Variants in LRP1B observed in about 807,000 individuals in gnomAD.
LRP1B encodes low-density lipoprotein receptor-related protein 1B.
In LRP1B, 217 loss-of-function variants were observed where a neutral mutation model predicts 556.6. That is an observed-to-expected ratio of 0.39 (90% CI 0.35 to 0.44). The LOEUF (loss-of-function observed/expected upper bound fraction) is 0.44, where lower values mean the gene tolerates loss of function less well. Ranked by LOEUF, LRP1B falls within the 20% of genes least tolerant of loss-of-function variation. LRP1B has a pLI of 1.00. For missense variants in LRP1B, 5,053 were observed against 5,620.8 expected (o/e 0.90, Z 3.23); for synonymous variants, 2,047 against 1,865.8 (o/e 1.10, Z -2.50).
rs1355982293 is a variant in LRP1B at position 140,776,003 on chromosome 2, G to T, written c.5500+95C>A. ...TTTTCTCTGTTTTTATTAGAAGCAA[G>T]AATAGAAACCTTTTATTGTTGAATT... On this transcript the variant is annotated intron_variant, in intron 33 of 90. Transcript: ENST00000389484. 4.7e-6 allele frequency: 5 copies of T among 1,074,890 alleles called. No homozygotes were observed. The Admixed American group carries it at 1.1e-4, about 23-fold the overall frequency. 66.6% of individuals were successfully genotyped at this position (1,074,890 alleles called of 1,614,324 possible).
chr2:141,613,983 G>T (rs1195952131), intron 2 of LRP1B, among the ~76,000 whole-genome samples: 1 of 133,468 alleles, frequency 7.5e-6, no homozygotes, highest in African/African-American at 2.8e-5. Context: ...TGAGGCAGGA[G>T]AATTGATTAA....
chr2:141,674,030 T>C (rs1289932852), intron 2 of LRP1B, among the ~76,000 whole-genome samples: 2 of 152,058 alleles, frequency 1.3e-5, no homozygotes, highest in Non-Finnish European at 2.9e-5. Context: ...TTCATTCAGG[T>C]TGGCATTCAA....
intron 3 of LRP1B, among the ~76,000 whole-genome samples, chr2:141,346,119 T>C (rs1688248581): frequency 6.6e-6 from 1 of 152,044 alleles, no homozygotes; most frequent in Admixed American, 6.6e-5. Flanking sequence ...TTTCCACCAA[T>C]TGTCTTTTTC....
intron 16 of LRP1B, 69 bp downstream of exon 16, chr2:140,993,926 G>T: frequency 2.7e-6 from 4 of 1,475,492 alleles, no homozygotes; most frequent in Non-Finnish European, 3.7e-6. Flanking sequence ...GTCACAAACT[G>T]CCTTGATAAT....
At chr2:141,478,199 C>T (rs906527662) in intron 3 of LRP1B, among the ~76,000 whole-genome samples, 8 of 152,084 alleles carry the variant, frequency 5.3e-5, no homozygotes, top group African/African-American at 1.7e-4. Flanking sequence ...CATATGCCCT[C>T]ATATATTAGA....
intron 1 of LRP1B, among the ~76,000 whole-genome samples, chr2:142,014,742 C>T (rs1034129477): frequency 1.3e-5 from 2 of 152,096 alleles, no homozygotes; most frequent in Non-Finnish European, 2.9e-5. Context: ...GTCATAGTTA[C>T]ATTGCAAGTG....
intron 32 of LRP1B, among the ~76,000 whole-genome samples, chr2:140,783,735 C>T (rs1183670502): frequency 6.6e-6 from 1 of 152,046 alleles, no homozygotes; most frequent in African/African-American, 2.4e-5. Flanking sequence ...AGGAGGATTG[C>T]TTTAGTCTAT....
At chr2:140,440,739 A>ATGTGTGTGTGTGTGTGTGTGTG (rs1279713239) in intron 66 of LRP1B, among the ~76,000 whole-genome samples, 84 of 86,430 alleles carry the variant, frequency 9.7e-4, no homozygotes, top group African/African-American at 3.6e-3. Flanking sequence ...GTCCCTCTGT[A>ATGTGTGTGTGTGTGTGTGTGTG]TGTATGTGTG....
intron 60 of LRP1B, among the ~76,000 whole-genome samples, chr2:140,472,053 T>C (rs1687792738): frequency 6.6e-6 from 1 of 152,180 alleles, no homozygotes; most frequent in Admixed American, 6.5e-5. Context: ...GCATGCATTT[T>C]TGGAATATTT....
At chr2:141,506,944 C>T (rs1683954600) in intron 2 of LRP1B, among the ~76,000 whole-genome samples, 1 of 152,012 alleles carries the variant, frequency 6.6e-6, no homozygotes, top group African/African-American at 2.4e-5. Context: ...TTCCTCCTTC[C>T]TTTTCCTCTT....
chr2:141,547,462 C>G (rs1455609860), intron 2 of LRP1B, among the ~76,000 whole-genome samples: 1 of 152,094 alleles, frequency 6.6e-6, no homozygotes, highest in Non-Finnish European at 1.5e-5. Context: ...AACTCTTTGA[C>G]AGTCCTGTTG....
At position 140,683,221 on chromosome 2, in the gene LRP1B, G is replaced by A. The variant is rs60454540; in HGVS notation, c.6799+17029C>T. ...AGCAGACTGGGGAGAACAATAGGAG[G>A]GTTATTGAACACTGGTCTGTGTATC... On this transcript the variant is annotated intron_variant, in intron 41 of 90. Coordinates refer to ENST00000389484, the MANE Select transcript of LRP1B (RefSeq NM_018557.3). 1,069 of 234,048 alleles carry A rather than the reference G, an allele frequency of 4.6e-3. 17 individuals carry two copies. The highest frequency in any genetic ancestry group is 0.023 in the African/African-American group (995 of 42,506). 14.5% of individuals were successfully genotyped at this position (234,048 alleles called of 1,614,324 possible).
chr2:140,610,099 G>A (rs747979417), intron 41 of LRP1B, among the ~76,000 whole-genome samples: 1 of 151,426 alleles, frequency 6.6e-6, no homozygotes, highest in Non-Finnish European at 1.5e-5. Flanking sequence ...TCTTCCCCGG[G>A]TCTGACGTTC....
chr2:140,609,933 G>GT (rs1203229274), intron 41 of LRP1B, among the ~76,000 whole-genome samples: 1 of 151,944 alleles, frequency 6.6e-6, no homozygotes, highest in African/African-American at 2.4e-5. Context: ...ATAAAATGTG[G>GT]TTTACTCCCT....
At chr2:141,566,664 A>G (rs1686342403) in intron 2 of LRP1B, among the ~76,000 whole-genome samples, 2 of 152,206 alleles carry the variant, frequency 1.3e-5, no homozygotes, top group Non-Finnish European at 2.9e-5. Context: ...TGGAAATACC[A>G]CATCCCCTTT....
intron 3 of LRP1B, among the ~76,000 whole-genome samples, chr2:141,401,966 C>T (rs956938679): frequency 3.3e-5 from 5 of 152,088 alleles, no homozygotes; most frequent in African/African-American, 7.2e-5. Context: ...TATATTTGAA[C>T]GCATCCTTCT....
chr2:141,946,910 C>A (rs568627255), intron 1 of LRP1B, among the ~76,000 whole-genome samples: 20 of 152,132 alleles, frequency 1.3e-4, no homozygotes, highest in Non-Finnish European at 2.2e-4. Context: ...TACTCAAGAT[C>A]AGGATACATT....
rs563044325 is a variant in LRP1B, at chr2:140,456,559, A to T, written c.9859T>A (p.Leu3287Met). The T allele has an allele frequency of 6.2e-7, 1 of 1,613,158 alleles. No individual in the cohort carries two copies. The highest frequency in any genetic ancestry group is 1.3e-5 in the African/African-American group (1 of 75,038). ...GTTTTTCCAGGGGCTAAAAGGCACA[A>T]ATGACTGCAACCACCATTATTTATC... ...CMINNGGCSH[L>M]CLLAPGKTHT... The change falls in exon 62 of 91, where the codon TTG becomes ATG. Residue 3287 changes from leucine (L) to methionine (M), a missense_variant. Physicochemically the swap from Leu to Met is conservative, Grantham distance 15. This residue lies in a region of LRP1B where 262 missense variants were observed against 395.1 expected (regional missense o/e 0.66). Transcript: ENST00000389484.
intron 22 of LRP1B, among the ~76,000 whole-genome samples, chr2:140,906,790 A>C (rs1377298969): frequency 6.6e-6 from 1 of 152,136 alleles, no homozygotes; most frequent in Admixed American, 6.6e-5. Context: ...AAATGAATAC[A>C]GAAGAATGAA....
Sources: gnomAD v4.1 joint callset for allele counts (sites outside exome capture counted in the v4.1 genomes callset) on GRCh38, gnomAD v4.1.1 for gene constraint, gnomAD v4.1.1 regional missense constraint, MANE v1.5 for transcripts, NCBI Gene and HGNC (gene_info 2026-07-23, HGNC 2026-07-21) for gene names.